EML6: variants seen among roughly 807,000 people sequenced by gnomAD.
EML6 encodes the protein echinoderm microtubule-associated protein-like 6.
Under a neutral mutation model 240.1 loss-of-function variants are expected in EML6, and 154 were observed. The ratio of observed to expected loss-of-function variants is 0.64; its 90% CI spans 0.56 to 0.73. The LOEUF (loss-of-function observed/expected upper bound fraction) is 0.73, where lower values mean the gene tolerates loss of function less well. Ranked by LOEUF, EML6 falls within the 30% of genes least tolerant of loss-of-function variation. The pLI is 0.00. For missense variants in EML6, 2,964 were observed against 2,474.6 expected (o/e 1.20, Z -4.20); for synonymous variants, 1,148 against 899.0 (o/e 1.28, Z -4.95).
intron 2 of EML6, among the ~76,000 whole-genome samples, chr2:54,786,527 G>A (rs1479234832): frequency 1.3e-5 from 2 of 152,142 alleles, no homozygotes; most frequent in Non-Finnish European, 2.9e-5. Context: ...CCCCACCAGT[G>A]GGTTGTGGTG....
intron 5 of EML6, among the ~76,000 whole-genome samples, chr2:54,821,063 C>T (rs1187433847): frequency 1.3e-5 from 2 of 152,118 alleles, no homozygotes; most frequent in Non-Finnish European, 2.9e-5. Flanking sequence ...AAAATTTCTC[C>T]TGACCCCTGG....
chr2:54,826,316 A>T (rs1189461329), intron 5 of EML6, among the ~76,000 whole-genome samples: 1 of 152,218 alleles, frequency 6.6e-6, no homozygotes, highest in Non-Finnish European at 1.5e-5. Flanking sequence ...AAGGGCAGTG[A>T]GGTTATTCTA....
chr2:54,803,410 T>C (rs996986114), intron 2 of EML6, among the ~76,000 whole-genome samples: 8 of 152,170 alleles, frequency 5.3e-5, no homozygotes, highest in East Asian at 3.8e-4. Context: ...TAATAAATCA[T>C]TGGGCTTTTT....
intron 28 of EML6, among the ~76,000 whole-genome samples, chr2:54,931,008 A>G (rs370577989): frequency 8.0e-6 from 1 of 124,486 alleles, no homozygotes; most frequent in Admixed American, 1.1e-4. Context: ...CCCAGGCTGG[A>G]GTGCAGTGGC....
chr2:54,794,592 C>A (rs367813442), intron 2 of EML6, among the ~76,000 whole-genome samples: 4 of 152,050 alleles, frequency 2.6e-5, no homozygotes, highest in African/African-American at 9.7e-5. Context: ...ATCCTGTCTG[C>A]CTAATGTTTT....
At chr2:54,934,086 C>T (rs1191764509) in intron 28 of EML6, among the ~76,000 whole-genome samples, 2 of 152,114 alleles carry the variant, frequency 1.3e-5, no homozygotes, top group African/African-American at 4.8e-5. Context: ...CGATTCCTGC[C>T]CTAGCCGTGT....
chr2:54,824,370 T>C (rs529555240), intron 5 of EML6, among the ~76,000 whole-genome samples: 2 of 152,336 alleles, frequency 1.3e-5, no homozygotes, highest in East Asian at 1.9e-4. Context: ...AGCAATACTT[T>C]ATTAATTTTG....
intron 24 of EML6, among the ~76,000 whole-genome samples, chr2:54,907,942 AGATAAGATAGATAGATAGATAGATAGAT>A (rs1673425706): frequency 1.3e-3 from 51 of 38,648 alleles, no homozygotes; most frequent in Admixed American, 0.011. Context: ...ATAGATAGAT[AGATAAGATAGATAGATAGATAGATAGAT>A]AGATAGATAG....
intron 2 of EML6, among the ~76,000 whole-genome samples, chr2:54,789,502 A>G (rs1669292647): frequency 1.8e-5 from 2 of 113,512 alleles, no homozygotes; most frequent in Admixed American, 1.2e-4. Context: ...CCACAGAGCG[A>G]GACTTCGTCT....
At chr2:54,919,155 T>G (rs1028700767) in intron 26 of EML6, among the ~76,000 whole-genome samples, 1 of 152,056 alleles carries the variant, frequency 6.6e-6, no homozygotes, top group African/African-American at 2.4e-5. Context: ...AAGAACATTC[T>G]CTTTGACAGA....
chr2:54,960,228 A>G lies in EML6; in HGVS notation c.4862A>G (p.Glu1621Gly), dbSNP rs1325447806. ...CTTTCAATCTTTTTTAGGACCAAAG[A>G]AGGAGGTGCTGTAAAATTGTGGGAC... ...VTGGKERPTK[E>G]GGAVKLWDQE... The change falls in exon 35 of 42, where the codon GAA becomes GGA. Residue 1621 changes from glutamate (E) to glycine (G), a missense_variant. By Grantham distance (98) the Glu-to-Gly change is moderately conservative (BLOSUM62 -2). Transcript: ENST00000356458. 6.4e-7 allele frequency: 1 copy of G among 1,550,806 alleles called. No individual in the cohort carries two copies. Among genetic ancestry groups the G allele is most frequent in the African/African-American group, 1.4e-5 (1 of 72,994 alleles).
At chr2:54,808,169 G>A (rs1315024370) in intron 2 of EML6, among the ~76,000 whole-genome samples, 14 of 152,200 alleles carry the variant, frequency 9.2e-5, no homozygotes, top group Admixed American at 9.2e-4. Context: ...CAGGAAGGCA[G>A]GGCCCTCTCT....
At chr2:54,904,171 T>G (rs1211288101) in intron 24 of EML6, among the ~76,000 whole-genome samples, 1 of 152,136 alleles carries the variant, frequency 6.6e-6, no homozygotes, top group Admixed American at 6.6e-5. Context: ...TATCCATAAA[T>G]AATACAAGAG....
intron 24 of EML6, among the ~76,000 whole-genome samples, chr2:54,907,410 G>A (rs1673382114): frequency 6.6e-6 from 1 of 152,190 alleles, no homozygotes; most frequent in Non-Finnish European, 1.5e-5. Context: ...GGGAGGCTGA[G>A]GCCAGGAGAA....
At chr2:54,864,442 G>A (rs6727776) in intron 13 of EML6, among the ~76,000 whole-genome samples, 120,202 of 152,248 alleles carry the variant, frequency 0.79, 48,193 homozygotes, top group African/African-American at 0.9. Flanking sequence ...GCTGACTTCA[G>A]TTTTTTTGGA....
chr2:54,927,419 ACT>A (rs1458058613), intron 26 of EML6, among the ~76,000 whole-genome samples: 3 of 152,090 alleles, frequency 2.0e-5, no homozygotes, highest in African/African-American at 7.2e-5. Context: ...GATACTGGTG[ACT>A]CTGTCACAAC....
intron 5 of EML6, among the ~76,000 whole-genome samples, chr2:54,821,098 C>T: frequency 6.6e-6 from 1 of 152,134 alleles, no homozygotes; most frequent in Non-Finnish European, 1.5e-5. Context: ...TCTTCTTTCT[C>T]TATAGGATCG....
At chr2:54,840,359 G>T (rs182434340) in intron 7 of EML6, among the ~76,000 whole-genome samples, 1 of 152,146 alleles carries the variant, frequency 6.6e-6, no homozygotes, top group Non-Finnish European at 1.5e-5. Context: ...AATATATAAC[G>T]TATCACTAAG....
intron 26 of EML6, among the ~76,000 whole-genome samples, chr2:54,927,350 T>C (rs1022503519): frequency 1.3e-5 from 2 of 152,252 alleles, no homozygotes; most frequent in African/African-American, 2.4e-5. Context: ...TTCTCTAGCA[T>C]GCCAGTCCAA....
Sources: gnomAD v4.1 joint callset for allele counts (sites outside exome capture counted in the v4.1 genomes callset) on GRCh38, gnomAD v4.1.1 for gene constraint, MANE v1.5 for transcripts, NCBI Gene and HGNC (gene_info 2026-07-23, HGNC 2026-07-21) for gene names.